CDK8: variants seen among roughly 807,000 people sequenced by gnomAD.
CDK8 encodes the protein cyclin-dependent kinase 8.
A neutral mutation model predicts 71.5 loss-of-function variants in CDK8; 29 were observed. The observed-to-expected ratio is 0.41, with a 90% confidence interval of 0.30 to 0.55. CDK8 has a LOEUF of 0.55. Ranked by LOEUF, CDK8 falls within the 20% of genes least tolerant of loss-of-function variation. CDK8 has a pLI of 0.37. For missense variants in CDK8, 288 were observed against 572.6 expected, an observed-to-expected ratio of 0.50 and a Z score of 5.07; for synonymous variants, 161 against 192.1, an observed-to-expected ratio of 0.84 and a Z score of 1.34.
intron 5 of CDK8, among the ~76,000 whole-genome samples, chr13:26,383,692 C>T (rs1475214746): frequency 6.6e-6 from 1 of 152,168 alleles, no homozygotes; most frequent in Admixed American, 6.5e-5. Context: ...TATCACTTCA[C>T]CAACAAAGAA....
chr13:26,365,542 A>G (rs1257181100), intron 4 of CDK8, among the ~76,000 whole-genome samples: 1 of 152,128 alleles, frequency 6.6e-6, no homozygotes. Flanking sequence ...CATCTCACCA[A>G]TCAAGAATGG....
chr13:26,304,136 G>T (rs553132312), intron 1 of CDK8, among the ~76,000 whole-genome samples: 19 of 151,104 alleles, frequency 1.3e-4, no homozygotes, highest in Admixed American at 2.0e-4. Context: ...GTGGTGGTAG[G>T]CGCCTGTAAT....
rs1364395652 is a variant in CDK8 at position 26,297,480 on chromosome 13, A to C, written c.129-40087A>C. 2.0e-5 allele frequency among the ~76,000 whole-genome samples: 3 copies of C among 152,136 alleles called. No homozygotes were observed. The East Asian group carries it at 5.8e-4, about 29-fold the overall frequency. On this transcript the variant is annotated intron_variant, in intron 1 of 12. Coordinates refer to ENST00000381527, the MANE Select transcript of CDK8 (RefSeq NM_001260.3). ...CTCCTTCCAAAGACCTTCTACTTCTAGAAGGTTGCTGAGAATCGTCAACTT... is the reference window on the plus strand; with the variant it reads ...CTCCTTCCAAAGACCTTCTACTTCTCGAAGGTTGCTGAGAATCGTCAACTT...
chr13:26,341,772 TG>T (rs1180730682), intron 2 of CDK8, among the ~76,000 whole-genome samples: 1 of 152,176 alleles, frequency 6.6e-6, no homozygotes, highest in Non-Finnish European at 1.5e-5. Context: ...ATGTAACAGC[TG>T]GAATAAATTA....
At chr13:26,273,701 A>G (rs1872436635) in intron 1 of CDK8, among the ~76,000 whole-genome samples, 2 of 151,956 alleles carry the variant, frequency 1.3e-5, no homozygotes, top group Non-Finnish European at 2.9e-5. Flanking sequence ...TTTTGTACTA[A>G]ATAGCTAGGT....
At chr13:26,265,681 T>C (rs1871988661) in intron 1 of CDK8, among the ~76,000 whole-genome samples, 1 of 152,060 alleles carries the variant, frequency 6.6e-6, no homozygotes. Context: ...CACAAAGACA[T>C]GAAGGAAAGA....
intron 1 of CDK8, among the ~76,000 whole-genome samples, chr13:26,298,627 A>C (rs1873674971): frequency 6.6e-6 from 1 of 152,146 alleles, no homozygotes; most frequent in Non-Finnish European, 1.5e-5. Context: ...AAGAACAAGC[A>C]AATGATGACC....
At chr13:26,258,659 C>A (rs551235788) in intron 1 of CDK8, among the ~76,000 whole-genome samples, 6 of 152,092 alleles carry the variant, frequency 3.9e-5, no homozygotes, top group Admixed American at 3.9e-4. Flanking sequence ...GCCCTTATAG[C>A]TCTTAGTAGG....
Position 26,307,303 on chromosome 13 carries a change from AG to A in CDK8, c.129-30261del, listed in dbSNP as rs1443291815. 1.5e-4 allele frequency among the ~76,000 whole-genome samples: 23 copies of A among 152,296 alleles called. No homozygotes were observed. The East Asian group carries it at 3.3e-3, about 22-fold the overall frequency. On this transcript the variant is annotated intron_variant, in intron 1 of 12. Coordinates refer to ENST00000381527, the MANE Select transcript of CDK8 (RefSeq NM_001260.3). Reference sequence around the variant, plus strand: ...TGTAGATTGGCTCTACATAATCACCAGGGTGCCTAAAAGTAGAAGAGGGAGA... The same window carrying A: ...TGTAGATTGGCTCTACATAATCACCAGGTGCCTAAAAGTAGAAGAGGGAGA...
Position 26,256,679 on chromosome 13 carries a change from T to G in CDK8, c.128+1910T>G, listed in dbSNP as rs78474518. The stretch of plus-strand genomic sequence containing the variant: ...GTTAAGAATAATTTGAAAGAATAAT[T>G]TCAATATCTTTGAATTTAAAGATAG... On this transcript the variant is annotated intron_variant, in intron 1 of 12. Transcript: ENST00000381527. Among the ~76,000 whole-genome samples, 1,409 of 152,326 alleles carry G rather than the reference T, an allele frequency of 9.2e-3. 7 individuals carry two copies. Among genetic ancestry groups the G allele is most frequent in the Middle Eastern group, 0.017 (5 of 294 alleles).
intron 3 of CDK8, among the ~76,000 whole-genome samples, chr13:26,350,279 G>T (rs115483057): frequency 1.3e-5 from 2 of 152,124 alleles, no homozygotes; most frequent in African/African-American, 4.8e-5. Context: ...AATAAGATTC[G>T]TGTGAAAATA....
intron 4 of CDK8, among the ~76,000 whole-genome samples, chr13:26,380,381 A>G (rs1565993364): frequency 2.0e-5 from 3 of 152,076 alleles, no homozygotes; most frequent in African/African-American, 7.2e-5. Flanking sequence ...GGGTTTTATC[A>G]TGTTGTTCAG....
chr13:26,329,483 G>GTTTTTTTT (rs543441898), intron 1 of CDK8, among the ~76,000 whole-genome samples: 7 of 128,494 alleles, frequency 5.4e-5, no homozygotes, highest in Admixed American at 1.6e-4. Flanking sequence ...TTTTTTTTTT[G>GTTTTTTTT]TTTTTTTTTT....
intron 4 of CDK8, among the ~76,000 whole-genome samples, chr13:26,371,986 T>G (rs1874714000): frequency 6.6e-6 from 1 of 152,156 alleles, no homozygotes; most frequent in African/African-American, 2.4e-5. Flanking sequence ...AATTATAGAT[T>G]ACAGCCATGT....
intron 4 of CDK8, among the ~76,000 whole-genome samples, chr13:26,362,019 G>A (rs575890110): frequency 1.3e-5 from 2 of 151,788 alleles, no homozygotes; most frequent in African/African-American, 4.8e-5. Context: ...TCAGACCATA[G>A]GAATGATTTA....
At chr13:26,365,043 G>C (rs370338405) in intron 4 of CDK8, among the ~76,000 whole-genome samples, 10 of 152,020 alleles carry the variant, frequency 6.6e-5, no homozygotes, top group African/African-American at 2.4e-4. Flanking sequence ...TTAGTTGTCA[G>C]GTTTAATTAT....
At chr13:26,403,444 C>A (rs1468926788) in intron 12 of CDK8, among the ~76,000 whole-genome samples, 4 of 151,862 alleles carry the variant, frequency 2.6e-5, no homozygotes, top group Non-Finnish European at 5.9e-5. Context: ...TAGAGTGACA[C>A]CCTGTCTCAA....
At chr13:26,368,373 C>T (rs1874490598) in intron 4 of CDK8, among the ~76,000 whole-genome samples, 1 of 152,178 alleles carries the variant, frequency 6.6e-6, no homozygotes, top group Non-Finnish European at 1.5e-5. Context: ...ATTTAAAATT[C>T]CTCAATATCT....
intron 1 of CDK8, among the ~76,000 whole-genome samples, chr13:26,317,940 G>A (rs1051407418): frequency 6.6e-6 from 1 of 151,864 alleles, no homozygotes; most frequent in African/African-American, 2.4e-5. Context: ...AGGGGACAGA[G>A]ATACACAAAA....
Sources: allele counts gnomAD v4.1 joint callset (sites outside exome capture counted in the v4.1 genomes callset), GRCh38; gene constraint gnomAD v4.1.1; transcripts MANE v1.5; gene names NCBI Gene and HGNC (gene_info 2026-07-23, HGNC 2026-07-21).